The following SENP1 variants were observed in gnomAD, a reference collection of about 807,000 sequenced individuals.
SENP1 encodes the protein SUMO specific peptidase 1.
In SENP1, 21 loss-of-function variants were observed where a neutral mutation model predicts 93.0. The ratio of observed to expected loss-of-function variants is 0.23; its 90% CI spans 0.16 to 0.33. The LOEUF (loss-of-function observed/expected upper bound fraction) is 0.33, where lower values mean the gene tolerates loss of function less well. Among genes scored for constraint, SENP1 ranks in the 10% least tolerant of loss-of-function variants. The pLI, the probability that SENP1 is intolerant of heterozygous loss-of-function variation, is 1.00. For missense variants in SENP1, 591 were observed against 758.7 expected, an observed-to-expected ratio of 0.78 and a Z score of 2.60; for synonymous variants, 256 against 259.6, an observed-to-expected ratio of 0.99 and a Z score of 0.13.
At chr12:48,053,084 G>A (rs1439974882) in intron 13 of SENP1, among the ~76,000 whole-genome samples, 2 of 152,054 alleles carry the variant, frequency 1.3e-5, no homozygotes, top group Non-Finnish European at 2.9e-5. Context: ...TCTTTACTGA[G>A]CATCACTCAG....
chr12:48,048,701 A>T (rs1941559582), intron 14 of SENP1, among the ~76,000 whole-genome samples: 1 of 152,098 alleles, frequency 6.6e-6, no homozygotes, highest in South Asian at 2.1e-4. Flanking sequence ...GACACCCTAT[A>T]ACTCTCTTTT....
chr12:48,084,611 G>A (rs534407270), intron 5 of SENP1, among the ~76,000 whole-genome samples: 6 of 152,004 alleles, frequency 3.9e-5, no homozygotes, highest in Non-Finnish European at 5.9e-5. Context: ...GCCACACCCA[G>A]GTGATTTTTG....
At position 48,056,468 on chromosome 12, in the gene SENP1, A is replaced by AAATAATTT. The variant is rs1565744056; in HGVS notation, c.1407+7241_1407+7242insAAATTATT. 5.7e-5 allele frequency among the ~76,000 whole-genome samples: 6 copies of AAATAATTT among 104,814 alleles called. 1 individual carries two copies. Among genetic ancestry groups the AAATAATTT allele is most frequent in the African/African-American group, 1.7e-4 (4 of 23,594 alleles). The allele number at this position is 104,814 out of a possible 152,430, so 68.8% of individuals were successfully genotyped here. On this transcript the variant is annotated intron_variant, in intron 13 of 17. Coordinates refer to ENST00000549518, the MANE Select transcript of SENP1 (RefSeq NM_001267594.2). ...TTAATATATTACATATTACATATAT[A>AAATAATTT]AATATATTATTTAATATATTACATA...
At chr12:48,093,205 A>G (rs1945321586) in intron 4 of SENP1, among the ~76,000 whole-genome samples, 1 of 152,004 alleles carries the variant, frequency 6.6e-6, no homozygotes, top group Non-Finnish European at 1.5e-5. Flanking sequence ...TTTTACAGAG[A>G]TTTTAAAAAA....
intron 6 of SENP1, chr12:48,080,646 G>A (rs760982523): frequency 1.3e-5 from 2 of 151,858 alleles, no homozygotes; most frequent in Non-Finnish European, 2.9e-5. Flanking sequence ...TTAGTCCCAG[G>A]GTTAAAAAGT....
intron 9 of SENP1, among the ~76,000 whole-genome samples, chr12:48,067,411 G>A (rs1296144017): frequency 6.6e-6 from 1 of 152,184 alleles, no homozygotes; most frequent in Non-Finnish European, 1.5e-5. Context: ...CCAAAGCAGA[G>A]AATCAGCAAC....
intron 13 of SENP1, among the ~76,000 whole-genome samples, chr12:48,058,055 C>G (rs1942693840): frequency 6.9e-6 from 1 of 145,954 alleles, no homozygotes; most frequent in Non-Finnish European, 1.5e-5. Flanking sequence ...AAGCGATTCT[C>G]CTGCCTCAGC....
Position 48,097,977 on chromosome 12 carries a change from A to G in SENP1, c.135+17T>C. The G allele has an allele frequency of 1.2e-6, 2 of 1,608,072 alleles. No homozygotes were observed. The highest frequency in any genetic ancestry group is 1.7e-6 in the Non-Finnish European group (2 of 1,177,038). ...CCCAAATAATTAATTAATTAAAGGA[A>G]GAAAATTGCTCCTAACCTGCTGGTC... On this transcript the variant is annotated intron_variant, in intron 3 of 17. Coordinates refer to ENST00000549518, the MANE Select transcript of SENP1 (RefSeq NM_001267594.2).
chr12:48,103,662 G>A (rs1240012188), intron 1 of SENP1, among the ~76,000 whole-genome samples: 1 of 64,530 alleles, frequency 1.5e-5, no homozygotes, highest in Non-Finnish European at 4.2e-5. Flanking sequence ...CTGTAAAAAT[G>A]TTTTCTTTTT....
chr12:48,045,992 A>T (rs1429858159), intron 17 of SENP1, among the ~76,000 whole-genome samples: 5 of 152,132 alleles, frequency 3.3e-5, no homozygotes, highest in Non-Finnish European at 5.9e-5. Context: ...ACACTAGGAG[A>T]TTGAGGTATG....
At chr12:48,062,128 T>C (rs1383653725) in intron 13 of SENP1, among the ~76,000 whole-genome samples, 1 of 152,170 alleles carries the variant, frequency 6.6e-6, no homozygotes, top group Non-Finnish European at 1.5e-5. Flanking sequence ...CCACAGTAAA[T>C]AGCAAGAACT....
intron 6 of SENP1, among the ~76,000 whole-genome samples, chr12:48,083,342 TAAGTA>T (rs565277314): frequency 5.9e-5 from 9 of 152,308 alleles, no homozygotes; most frequent in Non-Finnish European, 7.4e-5. Context: ...CATTAAAGAT[TAAGTA>T]AAGTCAGCTG....
chr12:48,074,204 AT>A, intron 8 of SENP1, 119 bp downstream of exon 8: 1 of 891,792 alleles, frequency 1.1e-6, no homozygotes, highest in Non-Finnish European at 1.7e-6. Context: ...CGGACTTCAT[AT>A]TTTCAGATTC....
In SENP1 at chr12:48,071,204, T is replaced by A. The variant is rs1428406214; in HGVS notation, c.995+463A>T. Among the ~76,000 whole-genome samples, 26 of 152,172 alleles carry A rather than the reference T, an allele frequency of 1.7e-4. 1 individual carries two copies. The highest frequency in any genetic ancestry group is 1.6e-3 in the Admixed American group (25 of 15,274). ...ATAGAGGCTGAAGGAAGAACAATTA[T>A]AAAGCCACTAAAATAATTCAAGTAA... On this transcript the variant is annotated intron_variant, in intron 9 of 17. Transcript: ENST00000549518.
rs1035358617 is a variant in SENP1, at chr12:48,082,188, C to T, written c.552+1403G>A. On this transcript the variant is annotated intron_variant, in intron 6 of 17. Coordinates refer to ENST00000549518, the MANE Select transcript of SENP1 (RefSeq NM_001267594.2). ...ACAGGCATGAGCCACCATGCCCGGC[C>T]TCAATACAAACTTTAAACCAAAAAT... Among the ~76,000 whole-genome samples, 4 of 152,314 alleles carry T rather than the reference C, an allele frequency of 2.6e-5. No individual in the cohort carries two copies. In the East Asian group the frequency reaches 5.8e-4, roughly 22 times the overall value.
intron 9 of SENP1, among the ~76,000 whole-genome samples, chr12:48,070,751 C>T (rs928432240): frequency 6.6e-6 from 1 of 152,104 alleles, no homozygotes. Flanking sequence ...AATGATCAGA[C>T]ATGAATTCTG....
chr12:48,076,836 G>A (rs915701223), intron 6 of SENP1, among the ~76,000 whole-genome samples: 17 of 150,458 alleles, frequency 1.1e-4, no homozygotes, highest in Non-Finnish European at 1.8e-4. Flanking sequence ...TAGTAGAGAC[G>A]GGGTTTCACC....
chr12:48,096,460 AT>A (rs749718788), intron 3 of SENP1, 33 bp from the exon 4 acceptor site: 186,643 of 1,069,630 alleles, frequency 0.17, 39 homozygotes, highest in South Asian at 0.22. Context: ...CTTAAGTCAC[AT>A]TTTTTTTTTT....
intron 9 of SENP1, 23 bp from the exon 10 acceptor site, chr12:48,066,988 T>C: frequency 6.6e-7 from 1 of 1,511,170 alleles, no homozygotes; most frequent in Non-Finnish European, 9.0e-7. Flanking sequence ...AAAGAAAAAT[T>C]TGACAAATGA....
Sources: allele counts gnomAD v4.1 joint callset (sites outside exome capture counted in the v4.1 genomes callset), GRCh38; gene constraint gnomAD v4.1.1; transcripts MANE v1.5; gene names NCBI Gene and HGNC (gene_info 2026-07-23, HGNC 2026-07-21).